MYPN: variants seen among roughly 807,000 people sequenced by gnomAD.
MYPN encodes the protein myopalladin.
A neutral mutation model predicts 129.4 loss-of-function variants in MYPN; 63 were observed. The ratio of observed to expected loss-of-function variants is 0.49; its 90% CI spans 0.40 to 0.60. MYPN has a LOEUF of 0.60. Among genes scored for constraint, MYPN ranks in the 20% least tolerant of loss-of-function variants. The pLI, the probability that MYPN is intolerant of heterozygous loss-of-function variation, is 0.00. For missense variants in MYPN, 1,596 were observed against 1,635.4 expected, an observed-to-expected ratio of 0.98 and a Z score of 0.42; for synonymous variants, 629 against 600.9, an observed-to-expected ratio of 1.05 and a Z score of -0.68.
rs1209805045 is a variant in MYPN, at chr10:68,124,344, C to T, written c.902+2004C>T. On this transcript the variant is annotated intron_variant, in intron 2 of 19. Transcript: ENST00000358913. Reference sequence around the variant, plus strand: ...AAGAGTTACTTTGTGTTTGTAACTACCTGATTATTACTAGAATATGATTTC... The same window carrying T: ...AAGAGTTACTTTGTGTTTGTAACTATCTGATTATTACTAGAATATGATTTC... Among the ~76,000 whole-genome samples the T allele has an allele frequency of 2.0e-5, 3 of 152,070 alleles. No individual in the cohort carries two copies. In the East Asian group the frequency reaches 5.8e-4, roughly 29 times the overall value.
chr10:68,134,398 A>G (rs1194965909), intron 2 of MYPN, among the ~76,000 whole-genome samples: 1 of 152,168 alleles, frequency 6.6e-6, no homozygotes, highest in Non-Finnish European at 1.5e-5. Context: ...GACAATAAAA[A>G]CTTTCTAGTC....
chr10:68,136,732 G>A, intron 2 of MYPN: 6 of 1,534,938 alleles, frequency 3.9e-6, no homozygotes, highest in South Asian at 2.4e-5. Flanking sequence ...TCTCATTTTG[G>A]TAAGGACGAG....
At chr10:68,110,583 A>T (rs1320771202) in intron 1 of MYPN, among the ~76,000 whole-genome samples, 1 of 152,226 alleles carries the variant, frequency 6.6e-6, no homozygotes, top group Non-Finnish European at 1.5e-5. Flanking sequence ...TTCTCAAAAA[A>T]GTATGATTCA....
Position 68,209,431 on chromosome 10 carries a change from G to T in MYPN, c.3794-855G>T, listed in dbSNP as rs78201782. Among the ~76,000 whole-genome samples the T allele has an allele frequency of 7.3e-3, 1,108 of 152,280 alleles. 25 individuals carry two copies. The highest frequency in any genetic ancestry group is 0.026 in the African/African-American group (1,066 of 41,548). ...TAGAACCTGATTAGGGAGGTGGGTA[G>T]GTAGGTAATGACTGATTAGGGTGAT... is the stretch of plus-strand genomic sequence containing the variant. On this transcript the variant is annotated intron_variant, in intron 19 of 19. Coordinates refer to ENST00000358913, the MANE Select transcript of MYPN (RefSeq NM_032578.4).
chr10:68,206,986 G>A, intron 19 of MYPN, 83 bp downstream of exon 19: 1 of 1,539,088 alleles, frequency 6.5e-7, no homozygotes, highest in Non-Finnish European at 8.8e-7. Flanking sequence ...GGTCAGGCAA[G>A]GTGGCTCATG....
intron 18 of MYPN, among the ~76,000 whole-genome samples, chr10:68,203,697 A>G (rs1053508646): frequency 6.3e-3 from 224 of 35,646 alleles, no homozygotes; most frequent in African/African-American, 9.9e-3. Context: ...ACGCACACAC[A>G]CACACACACA....
chr10:68,152,954 G>GTTATT (rs1182665350), intron 6 of MYPN, among the ~76,000 whole-genome samples: 135 of 148,778 alleles, frequency 9.1e-4, no homozygotes, highest in South Asian at 7.5e-3. Flanking sequence ...TTTATTTTAT[G>GTTATT]TTATTTTATT....
At chr10:68,129,184 C>A (rs1196834225) in intron 2 of MYPN, among the ~76,000 whole-genome samples, 2 of 152,120 alleles carry the variant, frequency 1.3e-5, no homozygotes, top group Admixed American at 1.3e-4. Flanking sequence ...AGGGAAGAGG[C>A]TCGGCCGTCT....
At chr10:68,125,981 T>A (rs777179589) in intron 2 of MYPN, among the ~76,000 whole-genome samples, 21 of 152,130 alleles carry the variant, frequency 1.4e-4, no homozygotes, top group Non-Finnish European at 1.0e-4. Flanking sequence ...GACAGGAGTC[T>A]GTAGAGGAGG....
chr10:68,104,097 A>G (rs2041995406), upstream of MYPN, among the ~76,000 whole-genome samples: 1 of 152,222 alleles, frequency 6.6e-6, no homozygotes, highest in Admixed American at 6.5e-5. Flanking sequence ...CAGGGTTGCT[A>G]TGAGAATTAA....
intron 12 of MYPN, among the ~76,000 whole-genome samples, chr10:68,181,722 TCAA>T (rs2043315995): frequency 6.7e-6 from 1 of 148,254 alleles, no homozygotes; most frequent in Non-Finnish European, 1.5e-5. Context: ...TGACACACTG[TCAA>T]GGCAGCCTTC....
Position 68,182,362 on chromosome 10 carries a change from C to T in MYPN, c.2704-6543C>T, listed in dbSNP as rs1201719619. Reference sequence around the variant, plus strand: ...ACACATATATAACATATATATAACACATATATATAACATATATAACACATA... The same window carrying T: ...ACACATATATAACATATATATAACATATATATATAACATATATAACACATA... On this transcript the variant is annotated intron_variant, in intron 12 of 19. Transcript: ENST00000358913. Among the ~76,000 whole-genome samples, 5 of 118,750 alleles carry T rather than the reference C, an allele frequency of 4.2e-5. No homozygotes were observed. The East Asian group carries it at 9.2e-4, about 22-fold the overall frequency. The allele number at this position is 118,750 out of a possible 152,430, so 77.9% of individuals were successfully genotyped here.
intron 1 of MYPN, among the ~76,000 whole-genome samples, chr10:68,113,613 C>G (rs182764183): frequency 1.3e-5 from 2 of 151,348 alleles, no homozygotes; most frequent in African/African-American, 4.9e-5. Context: ...GGGAGGATTG[C>G]TTGAGCCCCA....
intron 6 of MYPN, among the ~76,000 whole-genome samples, chr10:68,153,311 A>T (rs1247238153): frequency 6.6e-6 from 1 of 152,110 alleles, no homozygotes. Flanking sequence ...TTTAATTTTC[A>T]TGAGCTGATT....
intron 1 of MYPN, among the ~76,000 whole-genome samples, chr10:68,098,471 C>T (rs112677175): frequency 8.5e-5 from 13 of 152,272 alleles, no homozygotes; most frequent in African/African-American, 2.9e-4. Flanking sequence ...AAATGACAAA[C>T]AGGCAGTCCA....
chr10:68,149,914 T>G (rs2042738547), intron 5 of MYPN, 126 bp from the exon 6 acceptor site: 4 of 820,054 alleles, frequency 4.9e-6, no homozygotes, highest in Non-Finnish European at 8.4e-6. Context: ...ATTCATAAAC[T>G]TAGAATACAT....
chr10:68,162,594 C>A lies in MYPN; in HGVS notation c.1483+842C>A, dbSNP rs74143031. ...AACATCTGAATGCCCTCTCTGTGAC[C>A]ACCTGGAAAAATCAGATTGTATTTG... On this transcript the variant is annotated intron_variant, in intron 8 of 19. Transcript: ENST00000358913. 4.5e-3 allele frequency among the ~76,000 whole-genome samples: 687 copies of A among 152,314 alleles called. 7 individuals are homozygous for A. The highest frequency in any genetic ancestry group is 0.016 in the African/African-American group (667 of 41,562).
At chr10:68,188,528 A>T (rs944857307) in intron 12 of MYPN, among the ~76,000 whole-genome samples, 1 of 152,128 alleles carries the variant, frequency 6.6e-6, no homozygotes, top group African/African-American at 2.4e-5. Flanking sequence ...CTGGTGATGC[A>T]GGCATGTATC....
Position 68,195,495 on chromosome 10 carries a change from A to G in MYPN, c.3121A>G (p.Ile1041Val). 4 of 1,614,110 alleles carry G rather than the reference A, an allele frequency of 2.5e-6. No homozygotes were observed. Among genetic ancestry groups the G allele is most frequent in the Admixed American group, 1.7e-5 (1 of 60,016 alleles). ...SGHLMVQSLP[I>V]RSRLTSAGQS... Reference sequence around the variant, plus strand: ...CCACTTGATGGTACAAAGTTTGCCCATTCGCAGTCGGCTAACCTCTGCTGG... The same window carrying G: ...CCACTTGATGGTACAAAGTTTGCCCGTTCGCAGTCGGCTAACCTCTGCTGG... Residue 1041 changes from isoleucine to valine, a missense_variant, in exon 15 of 20, where the codon ATT becomes GTT. Transcript: ENST00000358913.
Sources: allele counts gnomAD v4.1 joint callset (sites outside exome capture counted in the v4.1 genomes callset), GRCh38; gene constraint gnomAD v4.1.1; transcripts MANE v1.5; gene names NCBI Gene and HGNC (gene_info 2026-07-23, HGNC 2026-07-21).